AP1G2: variants seen among roughly 807,000 people sequenced by gnomAD.
AP1G2 encodes the protein adaptor related protein complex 1 subunit gamma 2, also known as AP-1 complex subunit gamma-like 2.
A neutral mutation model predicts 95.8 loss-of-function variants in AP1G2; 85 were observed. That is an observed-to-expected ratio of 0.89 (90% CI 0.74 to 1.06). The LOEUF (loss-of-function observed/expected upper bound fraction) is 1.06, where lower values mean the gene tolerates loss of function less well. Ranked by LOEUF, AP1G2 falls within the 50% of genes least tolerant of loss-of-function variation. The probability of loss-of-function intolerance (pLI) is 0.00; values close to 1 mark genes in which losing one functional copy is unlikely to be tolerated. For missense variants in AP1G2, 967 were observed against 1,005.8 expected (o/e 0.96, Z 0.52); for synonymous variants, 378 against 400.0 (o/e 0.94, Z 0.66).
chr14:23,564,179 T>C lies in AP1G2; in HGVS notation c.978-20A>G, dbSNP rs1335602235. On this transcript the variant is annotated intron_variant, in intron 10 of 21. Transcript: ENST00000397120. ...ACATACCTGGTCAGGATGGGGGAGG[T>C]TCTATCATACCATGGCCATCAGCCC... is the stretch of plus-strand genomic sequence containing the variant. 1.2e-6 allele frequency: 2 copies of C among 1,612,620 alleles called. No individual in the cohort carries two copies. Among genetic ancestry groups the C allele is most frequent in the Non-Finnish European group, 1.7e-6 (2 of 1,179,412 alleles).
rs986622968 is a variant in AP1G2 at position 23,567,643 on chromosome 14, C to T, written c.-6+96G>A. 1.8e-6 allele frequency: 2 copies of T among 1,101,060 alleles called. No individual in the cohort carries two copies. The highest frequency in any genetic ancestry group is 3.9e-4 in the Middle Eastern group (1 of 2,558). The allele number at this position is 1,101,060 out of a possible 1,614,324, so 68.2% of individuals were successfully genotyped here. A position where few individuals can be genotyped will look rare whatever the true frequency, so the allele number is the denominator to read the frequency against. ...AGCCATTGCTTTTTTTTCCACGACC[C>T]TCCGCTGTTTCTTCCGCGAGCTTCC... On this transcript the variant is annotated intron_variant, in intron 1 of 21. Transcript: ENST00000397120. The surrounding 1 kb of genome is among the most constrained non-coding windows in gnomAD (Gnocchi z 5.3).
Position 23,561,535 on chromosome 14 carries a change from C to T in AP1G2, c.1834G>A (p.Ala612Thr). ...SKEAAQLSEA[A>T]PVPTEPQASQ... The stretch of plus-strand genomic sequence containing the variant: ...ACCTGGGGCTCTGTGGGCACTGGGG[C>T]TGCTTCTGAAAGCTGGGCTGCTTCT... The change falls in exon 18 of 22, where the codon GCC becomes ACC. Residue 612 changes from alanine to threonine, a missense_variant. By Grantham distance (58) the Ala-to-Thr change is moderately conservative (BLOSUM62 0). Transcript: ENST00000397120. The T allele has an allele frequency of 6.2e-7, 1 of 1,614,176 alleles. No individual in the cohort carries two copies. Among genetic ancestry groups the T allele is most frequent in the Non-Finnish European group, 8.5e-7 (1 of 1,180,028 alleles).
chr14:23,561,724 C>T, intron 17 of AP1G2, 89 bp from the exon 18 acceptor site: 2 of 1,551,110 alleles, frequency 1.3e-6, no homozygotes, highest in Non-Finnish European at 1.7e-6. Flanking sequence ...ATATGGAGCC[C>T]TGGGCACATG....
At chr14:23,566,813 A>C in intron 2 of AP1G2, 127 bp from the exon 3 acceptor site, 1 of 1,360,622 alleles carries the variant, frequency 7.3e-7, no homozygotes, top group East Asian at 2.3e-5. Context: ...TCTCCCTTCA[A>C]CAAGAGGAGA....
chr14:23,561,229 C>A, intron 19 of AP1G2, 67 bp downstream of exon 19: 3 of 1,501,954 alleles, frequency 2.0e-6, no homozygotes, highest in East Asian at 2.3e-5. Flanking sequence ...CAGCCCTTGG[C>A]TTAGGAGGAG....
Position 23,566,098 on chromosome 14 carries a change from T to G in AP1G2, c.534A>C (p.Pro178=). The change falls in exon 5 of 22, where the codon CCA becomes CCC. Residue 178 remains proline (P), a synonymous_variant. Coordinates refer to ENST00000397120, the MANE Select transcript of AP1G2 (RefSeq NM_003917.5). ...KVPELSSVFL[P]PCAQLLHERH... is the part of the protein sequence containing the mutation. ...GCTCATGAAGCAGTTGGGCACAGGG[T>G]GGGAGGAAGACACTGGAGAGTTCAG... 6.2e-7 allele frequency: 1 copy of G among 1,613,616 alleles called. No homozygotes were observed. The highest frequency in any genetic ancestry group is 8.5e-7 in the Non-Finnish European group (1 of 1,179,840).
rs181392829 is a variant in AP1G2 at position 23,565,950 on chromosome 14, G to A, written c.569-58C>T. 4,499 of 1,605,518 alleles carry A rather than the reference G, an allele frequency of 2.8e-3. 10 individuals carry two copies. Among genetic ancestry groups the A allele is most frequent in the Non-Finnish European group, 2.8e-3 (3,334 of 1,177,032 alleles). On this transcript the variant is annotated intron_variant, in intron 5 of 21. Coordinates refer to ENST00000397120, the MANE Select transcript of AP1G2 (RefSeq NM_003917.5). ...GGCCAGGGGCAAGAGAGTCTATTGC[G>A]TGTGTGCCTGTGTGTGTGCACTACC... is the stretch of plus-strand genomic sequence containing the variant.
In AP1G2 at chr14:23,564,628, G is replaced by T. The variant is rs148576738; in HGVS notation, c.855C>A (p.Ala285=). The part of the protein sequence containing the change: ...VATNTDTSRN[A]GNAVLFETVL... ...CTGTCTCAAACAGGACCGCATTTCC[G>T]GCATTTCGGCTGGTGTCCGTGTTAG... Residue 285 remains alanine, a synonymous_variant, in exon 9 of 22, where the codon GCC becomes GCA. Coordinates refer to ENST00000397120, the MANE Select transcript of AP1G2 (RefSeq NM_003917.5). 1.9e-6 allele frequency: 3 copies of T among 1,613,774 alleles called. No homozygotes were observed. The highest frequency in any genetic ancestry group is 2.5e-6 in the Non-Finnish European group (3 of 1,180,006).
rs760379814 is a variant in AP1G2, at chr14:23,567,289, T to C, written c.26A>G (p.Gln9Arg). 20 of 1,612,918 alleles carry C rather than the reference T, an allele frequency of 1.2e-5. 1 individual carries two copies. In the Admixed American group the frequency reaches 2.9e-4, roughly 23 times the overall value. MVVPSLKL[Q>R]DLIEEIRGAK... is the part of the protein sequence containing the mutation. Reference sequence around the variant, plus strand: ...CCCGCGAATCTCTTCGATGAGGTCCTGAAGCTTCAGCGAAGGCACCACCAT... The same window carrying C: ...CCCGCGAATCTCTTCGATGAGGTCCCGAAGCTTCAGCGAAGGCACCACCAT... Residue 9 changes from glutamine (Q) to arginine (R), a missense_variant, in exon 2 of 22, where the codon CAG (glutamine) becomes CGG (arginine). Transcript: ENST00000397120. This position sits in a 1 kb window ranked among gnomAD's most constrained non-coding sequence, Gnocchi z 5.3.
At position 23,564,675 on chromosome 14, in the gene AP1G2, G is replaced by A. The variant is rs758477492; in HGVS notation, c.823-15C>T. The stretch of plus-strand genomic sequence containing the variant: ...TTAGTGGCCACCTGAGTGGATGAGA[G>A]AGGAGATGTATCTGCTCAAGGCCCT... On this transcript the variant is annotated splice_polypyrimidine_tract_variant and intron_variant, in intron 8 of 21. Coordinates refer to ENST00000397120, the MANE Select transcript of AP1G2 (RefSeq NM_003917.5). 24 of 1,612,186 alleles carry A rather than the reference G, an allele frequency of 1.5e-5. No individual in the cohort carries two copies. Among genetic ancestry groups the A allele is most frequent in the East Asian group, 4.5e-5 (2 of 44,866 alleles).
intron 8 of AP1G2, 22 bp from the exon 9 acceptor site, chr14:23,564,682 T>A (rs370165806): frequency 6.2e-7 from 1 of 1,608,666 alleles, no homozygotes; most frequent in South Asian, 1.1e-5. Context: ...AGAGAGGAGA[T>A]GTATCTGCTC....
In AP1G2 at chr14:23,564,207, A is replaced by G. The variant is rs749940637; in HGVS notation, c.978-48T>C. On this transcript the variant is annotated intron_variant, in intron 10 of 21. Transcript: ENST00000397120. The stretch of plus-strand genomic sequence containing the variant: ...TATCATACCATGGCCATCAGCCCCC[A>G]CTCCCCGTCCTGTCCTGGGTATAGG... The G allele has an allele frequency of 2.6e-5, 42 of 1,611,276 alleles. 1 individual carries two copies. The Admixed American group carries it at 6.9e-4, about 26-fold the overall frequency.
rs1184164641 is a variant in AP1G2, at chr14:23,565,614, A to AG, written c.732dup (p.Phe245LeufsTer22). ...GTGAAAGGTCACCCCACCTGCAGGAAGGGGTCGCTGACTCCAGATATGCTG... is the reference window on the plus strand; with the variant it reads ...GTGAAAGGTCACCCCACCTGCAGGAAGGGGGTCGCTGACTCCAGATATGCTG... On this transcript the variant is annotated frameshift_variant, in exon 7 of 22. Transcript: ENST00000397120. LOFTEE classifies it high-confidence loss of function. The AG allele has an allele frequency of 1.9e-6, 3 of 1,612,964 alleles. No individual in the cohort carries two copies. In the African/African-American group the frequency reaches 4.0e-5, roughly 22 times the overall value.
At position 23,566,134 on chromosome 14, in the gene AP1G2, G is replaced by C; in HGVS notation, c.498C>G (p.Ile166Met). 1 of 1,608,242 alleles carries C rather than the reference G, an allele frequency of 6.2e-7. No individual in the cohort carries two copies. The highest frequency in any genetic ancestry group is 1.1e-5 in the South Asian group (1 of 90,406). Residue 166 changes from isoleucine to methionine, a missense_variant, in exon 5 of 22, where the codon ATC (isoleucine) becomes ATG (methionine). Coordinates refer to ENST00000397120, the MANE Select transcript of AP1G2 (RefSeq NM_003917.5). ...CACTGGAGAGTTCAGGGACCTTCCGGATCATGTGCACTGCAGTCAGAATAG... is the reference window on the plus strand; with the variant it reads ...CACTGGAGAGTTCAGGGACCTTCCGCATCATGTGCACTGCAGTCAGAATAG... ...KKAILTAVHM[I>M]RKVPELSSVF...
intron 19 of AP1G2, 90 bp from the exon 20 acceptor site, chr14:23,560,508 T>G: frequency 7.3e-7 from 1 of 1,372,360 alleles, no homozygotes; most frequent in Non-Finnish European, 1.0e-6. Flanking sequence ...AAACACCTAC[T>G]GGCCCTGCAC....
At position 23,560,392 on chromosome 14, in the gene AP1G2, C is replaced by G. The variant is rs771181913; in HGVS notation, c.2020G>C (p.Glu674Gln). 6 of 1,613,746 alleles carry G rather than the reference C, an allele frequency of 3.7e-6. No homozygotes were observed. Among genetic ancestry groups the G allele is most frequent in the Non-Finnish European group, 4.2e-6 (5 of 1,179,910 alleles). The change falls in exon 20 of 22, where the codon GAG (glutamate) becomes CAG (glutamine). Residue 674 changes from glutamate (E) to glutamine (Q), a missense_variant. By Grantham distance (29) the Glu-to-Gln change is conservative. Transcript: ENST00000397120. ...PAPIPDLKVF[E>Q]REGVQLNLSF... ...AGATTCAGCTGTACTCCCTCACGCT[C>G]AAACACTTTGAGATCTGGGATGGGA...
At chr14:23,562,094 A>G (rs779648112) in intron 16 of AP1G2, 28 bp from the exon 17 acceptor site, 1 of 1,609,072 alleles carries the variant, frequency 6.2e-7, no homozygotes, top group Non-Finnish European at 8.5e-7. Context: ...GTAAGTGGCT[A>G]TGGCAGTGTG....
Position 23,560,385 on chromosome 14 carries a change from T to G in AP1G2, c.2027A>C (p.Glu676Ala). 1 of 1,614,038 alleles carries G rather than the reference T, an allele frequency of 6.2e-7. No individual in the cohort carries two copies. The highest frequency in any genetic ancestry group is 1.1e-5 in the South Asian group (1 of 91,066). Residue 676 changes from glutamate to alanine, a missense_variant, in exon 20 of 22, where the codon GAG (glutamate) becomes GCG (alanine). Physicochemically the swap from Glu to Ala is moderately radical, Grantham distance 107 (BLOSUM62 -1). Transcript: ENST00000397120. ...GAAAGACAGATTCAGCTGTACTCCC[T>G]CACGCTCAAACACTTTGAGATCTGG... is the stretch of plus-strand genomic sequence containing the variant. Reference protein sequence around the residue: ...PIPDLKVFEREGVQLNLSFIR... With the variant: ...PIPDLKVFERAGVQLNLSFIR...
Position 23,561,982 on chromosome 14 carries a change from G to A in AP1G2, c.1713C>T (p.Phe571=), listed in dbSNP as rs1455739747. ...QQRAVEYDTL[F]RKYDHMRAAI... ...CACACCTCATGTGGTCGTATTTCCGGAAGAGTGTGTCATACTCCACAGCCC... is the reference window on the plus strand; with the variant it reads ...CACACCTCATGTGGTCGTATTTCCGAAAGAGTGTGTCATACTCCACAGCCC... Residue 571 remains phenylalanine (F), a synonymous_variant, in exon 17 of 22, where the codon TTC becomes TTT. Transcript: ENST00000397120. 10 of 1,612,178 alleles carry A rather than the reference G, an allele frequency of 6.2e-6. No individual in the cohort carries two copies. The highest frequency in any genetic ancestry group is 7.6e-6 in the Non-Finnish European group (9 of 1,179,192).
Sources: gnomAD v4.1 joint callset for allele counts on GRCh38, gnomAD v4.1.1 for gene constraint, Gnocchi (gnomAD v3.1) non-coding constraint, MANE v1.5 for transcripts, NCBI Gene and HGNC (gene_info 2026-07-23, HGNC 2026-07-21) for gene names.